Variants in TMCO4 observed in about 807,000 individuals in gnomAD.
TMCO4 encodes transmembrane and coiled-coil domain-containing protein 4.
A neutral mutation model predicts 64.7 loss-of-function variants in TMCO4; 58 were observed. That is an observed-to-expected ratio of 0.90 (90% CI 0.73 to 1.12). The LOEUF (loss-of-function observed/expected upper bound fraction) is 1.12. TMCO4 is among the 50% of genes most tolerant of loss of function. The pLI is 0.00. For synonymous variants in TMCO4, 325 were observed against 346.1 expected (o/e 0.94, Z 0.68); for missense variants, 780 against 825.9 (o/e 0.94, Z 0.68).
intron 13 of TMCO4, among the ~76,000 whole-genome samples, chr1:19,710,769 A>G (rs2095327136): frequency 1.3e-5 from 2 of 152,268 alleles, no homozygotes; most frequent in African/African-American, 4.8e-5. Context: ...GCCAGAACAC[A>G]CACACCTGTG....
intron 3 of TMCO4, among the ~76,000 whole-genome samples, chr1:19,785,205 C>A (rs1440495899): frequency 1.3e-5 from 2 of 152,226 alleles, no homozygotes; most frequent in African/African-American, 4.8e-5. Context: ...CCTGACCACC[C>A]AGGCTACAGT....
chr1:19,797,587 A>G (rs2044370256), intron 2 of TMCO4, among the ~76,000 whole-genome samples: 2 of 152,006 alleles, frequency 1.3e-5, no homozygotes, highest in South Asian at 2.1e-4. Context: ...GTGGGAAGCC[A>G]AGGCCAGGCG....
Position 19,724,215 on chromosome 1 carries a change from C to T in TMCO4, c.1264+13157G>A, listed in dbSNP as rs12046727. On this transcript the variant is annotated intron_variant, in intron 13 of 15. Coordinates refer to ENST00000294543, the MANE Select transcript of TMCO4 (RefSeq NM_181719.7). The stretch of plus-strand genomic sequence containing the variant: ...AGCTCAGAGACAGTGAGTACCATAG[C>T]CTTGGAAAAATCCATTTGGATAAAC... 9.9e-5 allele frequency among the ~76,000 whole-genome samples: 15 copies of T among 152,284 alleles called. No homozygotes were observed. In the East Asian group the frequency reaches 2.3e-3, roughly 23 times the overall value.
chr1:19,718,525 C>T (rs528538095), intron 13 of TMCO4, among the ~76,000 whole-genome samples: 1 of 151,152 alleles, frequency 6.6e-6, no homozygotes, highest in East Asian at 1.9e-4. Flanking sequence ...TGGTGGCATG[C>T]GCCTGTATTC....
chr1:19,704,327 G>C (rs745516303), intron 13 of TMCO4, among the ~76,000 whole-genome samples: 1 of 152,180 alleles, frequency 6.6e-6, no homozygotes, highest in African/African-American at 2.4e-5. Context: ...TTTGTTGTTG[G>C]CAAGGCTGTT....
chr1:19,796,282 C>T (rs1484795458), intron 2 of TMCO4, among the ~76,000 whole-genome samples: 2 of 152,130 alleles, frequency 1.3e-5, no homozygotes, highest in African/African-American at 4.8e-5. Flanking sequence ...TCCTTCTCCA[C>T]TTTACTAAGG....
Position 19,778,590 on chromosome 1 carries a change from T to C in TMCO4, c.179+1990A>G, listed in dbSNP as rs751625493. On this transcript the variant is annotated intron_variant, in intron 4 of 15. Transcript: ENST00000294543. ...ACATCATCTCATTTAATTCCTGCAA[T>C]CACCCTGCAGCATGGGTATCATTAG... Among the ~76,000 whole-genome samples the C allele has an allele frequency of 2.6e-5, 4 of 152,146 alleles. No individual in the cohort carries two copies. In the East Asian group the frequency reaches 7.7e-4, roughly 29 times the overall value.
intron 7 of TMCO4, among the ~76,000 whole-genome samples, chr1:19,753,752 A>G (rs968175494): frequency 6.6e-6 from 1 of 152,206 alleles, no homozygotes; most frequent in African/African-American, 2.4e-5. Flanking sequence ...CTGGCTGAAC[A>G]GTTGCTATGG....
chr1:19,739,271 A>G (rs1417459856), intron 12 of TMCO4, among the ~76,000 whole-genome samples: 3 of 152,186 alleles, frequency 2.0e-5, no homozygotes, highest in Admixed American at 1.3e-4. Flanking sequence ...TCAAATTTTA[A>G]AAGTATTATG....
intron 13 of TMCO4, among the ~76,000 whole-genome samples, chr1:19,731,496 G>A (rs1168366934): frequency 6.6e-6 from 1 of 152,180 alleles, no homozygotes; most frequent in African/African-American, 2.4e-5. Flanking sequence ...TGCGTGGTGG[G>A]TTTGGAATTC....
chr1:19,716,093 G>C (rs1434473031), intron 13 of TMCO4, among the ~76,000 whole-genome samples: 1 of 152,108 alleles, frequency 6.6e-6, no homozygotes, highest in East Asian at 1.9e-4. Context: ...GAGGCGGGAG[G>C]ATTGTTTGAG....
At chr1:19,718,701 T>C (rs1435484908) in intron 13 of TMCO4, among the ~76,000 whole-genome samples, 1 of 144,696 alleles carries the variant, frequency 6.9e-6, no homozygotes, top group Non-Finnish European at 1.5e-5. Context: ...GTTGCCAGTG[T>C]CATAATGCCC....
At chr1:19,768,370 C>T (rs1425150924) in intron 6 of TMCO4, among the ~76,000 whole-genome samples, 1 of 152,216 alleles carries the variant, frequency 6.6e-6, no homozygotes, top group Non-Finnish European at 1.5e-5. Flanking sequence ...CCTTTCTCTC[C>T]AAGGGAGTCC....
At chr1:19,770,847 C>G (rs527457605) in intron 5 of TMCO4, among the ~76,000 whole-genome samples, 251 of 152,332 alleles carry the variant, frequency 1.6e-3, no homozygotes, top group African/African-American at 5.8e-3. Flanking sequence ...TAACTGCAGG[C>G]ATAGCTGGTG....
intron 7 of TMCO4, among the ~76,000 whole-genome samples, chr1:19,748,143 GTCACTAC>G (rs1231061232): frequency 6.6e-6 from 1 of 152,234 alleles, no homozygotes; most frequent in Non-Finnish European, 1.5e-5. Flanking sequence ...AGGGATAACA[GTCACTAC>G]CTCCCCATGA....
At chr1:19,759,336 ATCTTTCAC>A (rs2042401076) in intron 6 of TMCO4, among the ~76,000 whole-genome samples, 1 of 151,890 alleles carries the variant, frequency 6.6e-6, no homozygotes, top group South Asian at 2.1e-4. Flanking sequence ...CACTGCTCTC[ATCTTTCAC>A]TCTTGCCTCT....
intron 5 of TMCO4, 81 bp from the exon 6 acceptor site, chr1:19,770,650 C>T (rs1373892678): frequency 1.4e-6 from 2 of 1,439,626 alleles, no homozygotes; most frequent in Admixed American, 4.0e-5. Flanking sequence ...TGACTCCTAC[C>T]AAGTGGCAGA....
chr1:19,737,551 C>A, intron 12 of TMCO4, 95 bp from the exon 13 acceptor site: 1 of 1,069,036 alleles, frequency 9.4e-7, no homozygotes, highest in Non-Finnish European at 1.4e-6. Context: ...CATTCCTTAC[C>A]ACCTGATTCT....
intron 4 of TMCO4, among the ~76,000 whole-genome samples, chr1:19,779,448 C>T (rs1340758419): frequency 2.0e-5 from 3 of 152,228 alleles, no homozygotes; most frequent in Non-Finnish European, 4.4e-5. Flanking sequence ...TCCATACTCT[C>T]CCCTCTAGAA....
Sources: gnomAD v4.1 joint callset for allele counts (sites outside exome capture counted in the v4.1 genomes callset) on GRCh38, gnomAD v4.1.1 for gene constraint, MANE v1.5 for transcripts, NCBI Gene and HGNC (gene_info 2026-07-23, HGNC 2026-07-21) for gene names.